DEPDC5: variants seen among roughly 807,000 people sequenced by gnomAD.
DEPDC5 encodes DEP domain containing 5, GATOR1 subcomplex subunit, also known as GATOR1 complex protein DEPDC5.
DEPDC5 carries 73 observed loss-of-function variants against 217.3 expected under a neutral mutation model. The observed-to-expected ratio is 0.34, with a 90% CI of 0.28 to 0.41. The LOEUF (loss-of-function observed/expected upper bound fraction) is 0.41, where lower values mean the gene tolerates loss of function less well. Among genes scored for constraint, DEPDC5 ranks in the 10% least tolerant of loss-of-function variants. The probability of loss-of-function intolerance (pLI) is 1.00; values close to 1 mark genes in which losing one functional copy is unlikely to be tolerated. For missense variants in DEPDC5, 1,675 were observed against 2,070.1 expected (o/e 0.81, Z 3.70); for synonymous variants, 733 against 756.7 (o/e 0.97, Z 0.51).
chr22:31,893,304 C>T (rs926277924), intron 38 of DEPDC5, among the ~76,000 whole-genome samples: 3 of 152,068 alleles, frequency 2.0e-5, no homozygotes, highest in African/African-American at 7.2e-5. Flanking sequence ...CAGCCAGGCA[C>T]CTTCATTATG....
At position 31,804,502 on chromosome 22, in the gene DEPDC5, C is replaced by T. The variant is rs879597381; in HGVS notation, c.1143+279C>T. ...TCCTCCAGGCTGGAGTGCAATGGTG[C>T]GATGTTGGCTCACTGCAACCTCTGC... On this transcript the variant is annotated intron_variant, in intron 16 of 42. Transcript: ENST00000651528. 8.5e-5 allele frequency among the ~76,000 whole-genome samples: 13 copies of T among 152,244 alleles called. No homozygotes were observed. The East Asian group carries it at 9.6e-4, about 11-fold the overall frequency.
intron 33 of DEPDC5, among the ~76,000 whole-genome samples, chr22:31,866,399 T>C (rs2064505078): frequency 6.6e-6 from 1 of 152,194 alleles, no homozygotes; most frequent in Non-Finnish European, 1.5e-5. Context: ...CATTTTTCTT[T>C]CTTTTTTGAG....
At chr22:31,832,065 C>A (rs1350583234) in intron 24 of DEPDC5, among the ~76,000 whole-genome samples, 1 of 152,232 alleles carries the variant, frequency 6.6e-6, no homozygotes, top group Non-Finnish European at 1.5e-5. Context: ...CACCATATTG[C>A]ATTTGAGAGA....
chr22:31,839,977 A>G (rs1476122982), intron 27 of DEPDC5, among the ~76,000 whole-genome samples: 1 of 152,244 alleles, frequency 6.6e-6, no homozygotes, highest in Non-Finnish European at 1.5e-5. Context: ...AAAAGAAAAG[A>G]AAAGAAAAAT....
At position 31,797,716 on chromosome 22, in the gene DEPDC5, T is replaced by A. The variant is rs774828611; in HGVS notation, c.871+13T>A. ...CTGGAACAGGCAGGTACTGCATTCA[T>A]GTAATAGATGGTGCGGCGGGGAAAG... On this transcript the variant is annotated intron_variant, in intron 13 of 42. Transcript: ENST00000651528. The A allele has an allele frequency of 3.8e-6, 6 of 1,599,692 alleles. No homozygotes were observed. The highest frequency in any genetic ancestry group is 5.1e-6 in the Non-Finnish European group (6 of 1,166,912).
At chr22:31,775,956 G>A (rs374435813) in intron 7 of DEPDC5, among the ~76,000 whole-genome samples, 283 of 149,000 alleles carry the variant, frequency 1.9e-3, no homozygotes, top group Non-Finnish European at 2.8e-3. Flanking sequence ...CAGGAGAATC[G>A]CTTGAACCAG....
At chr22:31,886,362 T>G (rs1162428184) in intron 38 of DEPDC5, among the ~76,000 whole-genome samples, 1 of 152,158 alleles carries the variant, frequency 6.6e-6, no homozygotes, top group Admixed American at 6.5e-5. Context: ...AAAGCCTTCT[T>G]CTAATGCAGG....
chr22:31,902,377 A>C (rs2093662514), intron 41 of DEPDC5, among the ~76,000 whole-genome samples: 1 of 144,788 alleles, frequency 6.9e-6, no homozygotes, highest in East Asian at 2.0e-4. Context: ...TCCTCTCATT[A>C]CACCTTCTCC....
At chr22:31,811,519 A>T (rs1434607536) in intron 20 of DEPDC5, among the ~76,000 whole-genome samples, 1 of 148,824 alleles carries the variant, frequency 6.7e-6, no homozygotes, top group East Asian at 2.0e-4. Context: ...GCTTTTAAAA[A>T]TTTGCTCTGT....
At chr22:31,814,495 T>A (rs1212797644) in intron 20 of DEPDC5, 1 of 160,498 alleles carries the variant, frequency 6.2e-6, no homozygotes, top group Non-Finnish European at 1.4e-5. Context: ...TGTGTGACAG[T>A]AGAATGTCTT....
chr22:31,857,212 T>C (rs1475845882), intron 31 of DEPDC5, among the ~76,000 whole-genome samples: 1 of 152,238 alleles, frequency 6.6e-6, no homozygotes, highest in Non-Finnish European at 1.5e-5. Context: ...AAGCACCAGA[T>C]GCTGCCAGAA....
In DEPDC5 at chr22:31,906,646, G is replaced by C. The variant is rs2093764897; in HGVS notation, c.*149G>C. 2.7e-6 allele frequency: 3 copies of C among 1,120,132 alleles called. No individual in the cohort carries two copies. The highest frequency in any genetic ancestry group is 1.6e-5 in the African/African-American group (1 of 63,926). 69.4% of individuals were successfully genotyped at this position (1,120,132 alleles called of 1,614,324 possible). ...TTGTTTTTTGTTTGTTTGTTTGTTTGTTTGTTTGTTTTTGGCCCCCACGAC... is the reference window on the plus strand; with the variant it reads ...TTGTTTTTTGTTTGTTTGTTTGTTTCTTTGTTTGTTTTTGGCCCCCACGAC... On this transcript the variant is annotated 3_prime_UTR_variant, in exon 43 of 43. Transcript: ENST00000651528. This position sits in a 1 kb window ranked among gnomAD's most constrained non-coding sequence, Gnocchi z 5.1.
At chr22:31,822,435 C>T (rs1192653278) in intron 23 of DEPDC5, among the ~76,000 whole-genome samples, 2 of 152,078 alleles carry the variant, frequency 1.3e-5, no homozygotes, top group African/African-American at 4.8e-5. Flanking sequence ...AGGCATAGGG[C>T]AGACAGGGCG....
chr22:31,844,992 A>G, intron 29 of DEPDC5, 26 bp from the exon 30 acceptor site: 1 of 1,611,988 alleles, frequency 6.2e-7, no homozygotes, highest in Non-Finnish European at 8.5e-7. Flanking sequence ...TCTCACCACC[A>G]CCCTGTGTTT....
intron 37 of DEPDC5, among the ~76,000 whole-genome samples, chr22:31,879,029 C>CAAAAAAAAAAA (rs1264327219): frequency 1.3e-4 from 9 of 68,136 alleles, no homozygotes; most frequent in Admixed American, 1.9e-4. Context: ...GACTCCGTCT[C>CAAAAAAAAAAA]AAAAAAAAAA....
intron 33 of DEPDC5, among the ~76,000 whole-genome samples, chr22:31,867,944 A>C (rs574924087): frequency 6.6e-6 from 1 of 152,202 alleles, no homozygotes; most frequent in African/African-American, 2.4e-5. Context: ...TCTTATATGC[A>C]TAAGAGCTGG....
In DEPDC5 at chr22:31,845,163, C is replaced by G. The variant is rs572651898; in HGVS notation, c.2947C>G (p.Leu983Val). Residue 983 changes from leucine (L) to valine (V), a missense_variant, in exon 30 of 43, where the codon CTG becomes GTG. Around this residue, in one of 11 missense-constraint regions of DEPDC5, gnomAD observed 293 missense variants for 386.1 expected, o/e 0.76. Transcript: ENST00000651528. ...TGCAGACGAGGACGAGTGGCAACTC[C>G]TGGATGGTTTTGTCCGCTTTGTGGA... ...PRADEDEWQL[L>V]DGFVRFVEGL... 6.2e-7 allele frequency: 1 copy of G among 1,614,206 alleles called. No individual in the cohort carries two copies. Among genetic ancestry groups the G allele is most frequent in the Non-Finnish European group, 8.5e-7 (1 of 1,180,030 alleles).
rs1265342396 is a variant in DEPDC5 at position 31,861,313 on chromosome 22, C to T, written c.3265-55C>T. 4 of 1,519,484 alleles carry T rather than the reference C, an allele frequency of 2.6e-6. No individual in the cohort carries two copies. The South Asian group carries it at 3.6e-5, about 14-fold the overall frequency. The allele number at this position is 1,519,484 out of a possible 1,614,324, so 94.1% of individuals were successfully genotyped here. On this transcript the variant is annotated intron_variant, in intron 32 of 42. Coordinates refer to ENST00000651528, the MANE Select transcript of DEPDC5 (RefSeq NM_001242896.3). ...GATGGTTAACCACTGGTACACATTC[C>T]GTTTCTTCGCTTCCTTGCAACTGCT...
At position 31,810,528 on chromosome 22, in the gene DEPDC5, G is replaced by C. The variant is rs1385789924; in HGVS notation, c.1332G>C (p.Gly444=). 2 of 1,613,968 alleles carry C rather than the reference G, an allele frequency of 1.2e-6. No individual in the cohort carries two copies. The highest frequency in any genetic ancestry group is 8.5e-7 in the Non-Finnish European group (1 of 1,180,024). Reference sequence around the variant, plus strand: ...ATTATTTGTGTATTTCAGCTCTCGGGAGTCCAAAAGAATCTGAGAACGCCC... The same window carrying C: ...ATTATTTGTGTATTTCAGCTCTCGGCAGTCCAAAAGAATCTGAGAACGCCC... The part of the protein sequence containing the change: ...KAKNGRDTSL[G]SPKESENALP... Residue 444 remains glycine, a synonymous_variant, in exon 20 of 43, where the codon GGG becomes GGC. Transcript: ENST00000651528.
Sources: allele counts gnomAD v4.1 joint callset (sites outside exome capture counted in the v4.1 genomes callset), GRCh38; gene constraint gnomAD v4.1.1; regional missense constraint gnomAD v4.1.1; non-coding constraint Gnocchi (gnomAD v3.1); transcripts MANE v1.5; gene names NCBI Gene and HGNC (gene_info 2026-07-23, HGNC 2026-07-21).